The following PI4K2B variants were observed in gnomAD, a reference collection of about 807,000 sequenced individuals.
PI4K2B encodes phosphatidylinositol 4-kinase type 2 beta.
A neutral mutation model predicts 56.6 loss-of-function variants in PI4K2B; 46 were observed. The observed-to-expected ratio is 0.81, with a 90% CI of 0.64 to 1.04. The LOEUF is 1.04. Ranked by LOEUF, PI4K2B falls within the 50% of genes least tolerant of loss-of-function variation. The probability of loss-of-function intolerance (pLI) is 0.00; values close to 1 mark genes in which losing one functional copy is unlikely to be tolerated. For missense variants in PI4K2B, 556 were observed against 607.7 expected (o/e 0.91, Z 0.89); for synonymous variants, 211 against 223.8 (o/e 0.94, Z 0.51).
chr4:25,242,930 C>T (rs757104120), intron 1 of PI4K2B, among the ~76,000 whole-genome samples: 9 of 152,290 alleles, frequency 5.9e-5, no homozygotes, highest in East Asian at 1.9e-4. Context: ...GCTAATATAT[C>T]CCTCCCTAAT....
In PI4K2B at chr4:25,263,810, C is replaced by T; in HGVS notation, c.1039C>T (p.Leu347=). Residue 347 remains leucine, a synonymous_variant, in exon 7 of 10, where the codon CTA becomes TTA. Coordinates refer to ENST00000264864, the MANE Select transcript of PI4K2B (RefSeq NM_018323.4). ...TAAAATAGCTGCAATTGATAATGGTCTAGCATTTCCTTTTAAACATCCTGA... is the reference window on the plus strand; with the variant it reads ...TAAAATAGCTGCAATTGATAATGGTTTAGCATTTCCTTTTAAACATCCTGA... ...LIKIAAIDNG[L]AFPFKHPDEW... is the part of the protein sequence containing the mutation. 4 of 1,532,906 alleles carry T rather than the reference C, an allele frequency of 2.6e-6. No homozygotes were observed. The highest frequency in any genetic ancestry group is 3.6e-6 in the Non-Finnish European group (4 of 1,108,088). 95.0% of individuals were successfully genotyped at this position (1,532,906 alleles called of 1,614,324 possible). A position where few individuals can be genotyped will look rare whatever the true frequency, so the allele number is the denominator to read the frequency against.
At chr4:25,238,258 T>C (rs1350969612) in intron 1 of PI4K2B, among the ~76,000 whole-genome samples, 2 of 152,200 alleles carry the variant, frequency 1.3e-5, no homozygotes, top group African/African-American at 4.8e-5. Context: ...ACAGTTAAAA[T>C]AAACTGGTTA....
intron 1 of PI4K2B, among the ~76,000 whole-genome samples, chr4:25,236,677 AT>A (rs1553887913): frequency 6.6e-6 from 1 of 152,062 alleles, no homozygotes; most frequent in Non-Finnish European, 1.5e-5. Flanking sequence ...TCAGAGGTAA[AT>A]GGTTTGCCCG....
chr4:25,252,591 T>C, intron 2 of PI4K2B, 116 bp downstream of exon 2: 2 of 815,288 alleles, frequency 2.5e-6, no homozygotes, highest in Non-Finnish European at 2.0e-6. Context: ...TTGTAACCTC[T>C]TTTCCAAAAC....
At chr4:25,267,665 C>A in intron 7 of PI4K2B, 1 of 463,462 alleles carries the variant, frequency 2.2e-6, no homozygotes, top group Non-Finnish European at 2.8e-6. Context: ...AAAAACCTTA[C>A]ACTCTTGCAG....
Position 25,234,103 on chromosome 4 carries a change from C to G in PI4K2B, c.-61C>G. 2 of 1,232,946 alleles carry G rather than the reference C, an allele frequency of 1.6e-6. No individual in the cohort carries two copies. The highest frequency in any genetic ancestry group is 2.0e-6 in the Non-Finnish European group (2 of 979,858). 76.4% of individuals were successfully genotyped at this position (1,232,946 alleles called of 1,614,324 possible). On this transcript the variant is annotated 5_prime_UTR_variant, in exon 1 of 10. Transcript: ENST00000264864. ...GCTCCCGTTCCGCGCCATGCAGAGC[C>G]CAGTCTCTGGCACCTGGCTGCTCTG...
chr4:25,259,716 T>TA (rs149474864), intron 5 of PI4K2B, among the ~76,000 whole-genome samples: 3,416 of 149,212 alleles, frequency 0.023, 106 homozygotes, highest in African/African-American at 0.075. Flanking sequence ...AAAAAAAGTA[T>TA]AAAAAAAAAA....
At chr4:25,236,206 AAAATAAATAAATAAATAAATAAAT>A (rs55804997) in intron 1 of PI4K2B, among the ~76,000 whole-genome samples, 6,569 of 139,720 alleles carry the variant, frequency 0.047, 228 homozygotes, top group East Asian at 0.16. Flanking sequence ...CTCTGTCTCA[AAAATAAATAAATAAATAAATAAAT>A]AAATAAATAA....
chr4:25,276,967 A>G, intron 9 of PI4K2B, 47 bp from the exon 10 acceptor site: 1 of 1,471,704 alleles, frequency 6.8e-7, no homozygotes, highest in Non-Finnish European at 9.1e-7. Flanking sequence ...AGTGAAGTGA[A>G]GCTTTTTATC....
chr4:25,245,399 G>A (rs564699675), intron 1 of PI4K2B, among the ~76,000 whole-genome samples: 42 of 152,260 alleles, frequency 2.8e-4, no homozygotes, highest in African/African-American at 8.7e-4. Flanking sequence ...GGCAAATCTC[G>A]CTTGGGTGAC....
At chr4:25,238,539 T>C (rs1715366556) in intron 1 of PI4K2B, among the ~76,000 whole-genome samples, 1 of 152,112 alleles carries the variant, frequency 6.6e-6, no homozygotes, top group South Asian at 2.1e-4. Context: ...CGGAGTTTGT[T>C]CCTTCTGATG....
At position 25,255,145 on chromosome 4, in the gene PI4K2B, G is replaced by A. The variant is rs1025412584; in HGVS notation, c.504G>A (p.Lys168=). ...CAAAATGGACCAAATATGTCCATAA[G>A]GTCTGCTGCCCTTGCTGCTTTGGCC... The part of the protein sequence containing the change: ...LNPKWTKYVH[K]VCCPCCFGRG... The change falls in exon 3 of 10, where the codon AAG becomes AAA. Residue 168 remains lysine (K), a synonymous_variant. Coordinates refer to ENST00000264864, the MANE Select transcript of PI4K2B (RefSeq NM_018323.4). 2 of 1,613,898 alleles carry A rather than the reference G, an allele frequency of 1.2e-6. No individual in the cohort carries two copies. Among genetic ancestry groups the A allele is most frequent in the African/African-American group, 1.3e-5 (1 of 75,008 alleles).
At position 25,234,339 on chromosome 4, in the gene PI4K2B, C is replaced by A; in HGVS notation, c.176C>A (p.Ala59Asp). 1 of 1,409,648 alleles carries A rather than the reference C, an allele frequency of 7.1e-7. No homozygotes were observed. Among genetic ancestry groups the A allele is most frequent in the South Asian group, 1.4e-5 (1 of 69,054 alleles). 87.3% of individuals were successfully genotyped at this position (1,409,648 alleles called of 1,614,324 possible). The change falls in exon 1 of 10, where the codon GCC becomes GAC. Residue 59 changes from alanine to aspartate, a missense_variant. By Grantham distance (126) the Ala-to-Asp change is moderately radical (BLOSUM62 -2). Coordinates refer to ENST00000264864, the MANE Select transcript of PI4K2B (RefSeq NM_018323.4). Reference sequence around the variant, plus strand: ...GACGCTGCCGGGGAGGAGGGCGAGGCCGGCGACGAGGAGCTGCCCCTCCCG... The same window carrying A: ...GACGCTGCCGGGGAGGAGGGCGAGGACGGCGACGAGGAGCTGCCCCTCCCG... ...LLDAAGEEGE[A>D]GDEELPLPPG...
chr4:25,271,754 A>G lies in PI4K2B; in HGVS notation c.1272+2551A>G, dbSNP rs146050291. On this transcript the variant is annotated intron_variant, in intron 9 of 9. Transcript: ENST00000264864. ...CTAAAGGTTTATTTTTATTTTAGGA[A>G]TCTGATTTAAAATAAAGAAGTAAAT... 1.1e-4 allele frequency among the ~76,000 whole-genome samples: 17 copies of G among 152,310 alleles called. No individual in the cohort carries two copies. In the East Asian group the frequency reaches 1.2e-3, roughly 10 times the overall value.
chr4:25,264,407 G>T (rs1716589531), intron 7 of PI4K2B, among the ~76,000 whole-genome samples: 2 of 152,118 alleles, frequency 1.3e-5, no homozygotes, highest in Non-Finnish European at 2.9e-5. Context: ...AATTCCCTCT[G>T]TGCGTATTGA....
rs1716351668 is a variant in PI4K2B at position 25,258,818 on chromosome 4, AG to A, written c.757-215del. ...TAGCTGCTATGCTCCTTGAAAGTCT[AG>A]GGGTAAGCATTTTTTATTTGCTATG... On this transcript the variant is annotated intron_variant, in intron 4 of 9. Coordinates refer to ENST00000264864, the MANE Select transcript of PI4K2B (RefSeq NM_018323.4). 1.3e-5 allele frequency among the ~76,000 whole-genome samples: 2 copies of A among 152,110 alleles called. 1 individual carries two copies. The highest frequency in any genetic ancestry group is 4.1e-4 in the South Asian group (2 of 4,830).
intron 1 of PI4K2B, among the ~76,000 whole-genome samples, chr4:25,247,707 G>T (rs1715850507): frequency 6.6e-6 from 1 of 151,976 alleles, no homozygotes; most frequent in Non-Finnish European, 1.5e-5. Flanking sequence ...AACACCTCAA[G>T]TTTCTTTTTT....
At chr4:25,267,170 G>A (rs183711565) in intron 7 of PI4K2B, among the ~76,000 whole-genome samples, 12 of 152,286 alleles carry the variant, frequency 7.9e-5, no homozygotes, top group Admixed American at 5.9e-4. Flanking sequence ...CAGACCCTTG[G>A]GTCTGGTGAC....
intron 1 of PI4K2B, among the ~76,000 whole-genome samples, chr4:25,246,776 G>A (rs1172230989): frequency 6.6e-6 from 1 of 152,136 alleles, no homozygotes; most frequent in African/African-American, 2.4e-5. Flanking sequence ...CCTGTGGGGA[G>A]GCAGCTAAGG....
Sources: gnomAD v4.1 joint callset for allele counts (sites outside exome capture counted in the v4.1 genomes callset) on GRCh38, gnomAD v4.1.1 for gene constraint, MANE v1.5 for transcripts, NCBI Gene and HGNC (gene_info 2026-07-23, HGNC 2026-07-21) for gene names.